The following DNAH8 variants were observed in gnomAD, a reference collection of about 807,000 sequenced individuals.
DNAH8 encodes axonemal beta dynein heavy chain 8.
A neutral mutation model predicts 562.1 loss-of-function variants in DNAH8; 382 were observed. The observed-to-expected ratio is 0.68, with a 90% CI of 0.63 to 0.74. The LOEUF (loss-of-function observed/expected upper bound fraction) is 0.74. Among genes scored for constraint, DNAH8 ranks in the 30% least tolerant of loss-of-function variants. The pLI is 0.00. For missense variants in DNAH8, 5,203 were observed against 5,620.4 expected (o/e 0.93, Z 2.37); for synonymous variants, 1,881 against 1,919.4 (o/e 0.98, Z 0.52).
intron 8 of DNAH8, among the ~76,000 whole-genome samples, chr6:38,748,755 A>AAATAAT (rs57398991): frequency 0.2 from 27,288 of 138,314 alleles, 3,116 homozygotes; most frequent in African/African-American, 0.31. Context: ...CTCCGTCTCA[A>AAATAAT]AATAATAATA....
intron 91 of DNAH8, among the ~76,000 whole-genome samples, chr6:39,025,017 G>T (rs1286019607): frequency 1.3e-5 from 2 of 152,156 alleles, no homozygotes; most frequent in Non-Finnish European, 2.9e-5. Context: ...CAAACCATTT[G>T]AATTTTTATT....
chr6:39,026,352 G>T (rs1007077083), intron 91 of DNAH8, among the ~76,000 whole-genome samples, 194 bp from the exon 92 acceptor site: 7 of 152,336 alleles, frequency 4.6e-5, no homozygotes, highest in Admixed American at 4.6e-4. Context: ...AGGCGAGAAA[G>T]ATTTAGCTCA....
chr6:39,000,271 G>A (rs1036428284), intron 88 of DNAH8, among the ~76,000 whole-genome samples: 1 of 152,220 alleles, frequency 6.6e-6, no homozygotes, highest in Non-Finnish European at 1.5e-5. Flanking sequence ...ATCAGGGTAT[G>A]TATACATTGC....
chr6:38,794,379 T>G (rs955513054), intron 21 of DNAH8, among the ~76,000 whole-genome samples: 1 of 152,200 alleles, frequency 6.6e-6, no homozygotes, highest in African/African-American at 2.4e-5. Flanking sequence ...GCTTTTTATT[T>G]TAGTTTCTAT....
chr6:38,912,930 C>T (rs994157208), intron 66 of DNAH8, among the ~76,000 whole-genome samples: 12 of 152,086 alleles, frequency 7.9e-5, no homozygotes, highest in African/African-American at 1.2e-4. Flanking sequence ...CTGCCTCAGC[C>T]TCCCAAGTAA....
At chr6:38,864,143 A>T in intron 45 of DNAH8, 83 bp downstream of exon 45, 2 of 1,221,020 alleles carry the variant, frequency 1.6e-6, no homozygotes, top group Non-Finnish European at 2.3e-6. Context: ...TAATGGGTAG[A>T]TGACCAACTA....
At position 38,752,284 on chromosome 6, in the gene DNAH8, C is replaced by T. The variant is rs190923115; in HGVS notation, c.1407+1695C>T. On this transcript the variant is annotated intron_variant, in intron 9 of 92. Coordinates refer to ENST00000327475, the MANE Select transcript of DNAH8 (RefSeq NM_001206927.2). The stretch of plus-strand genomic sequence containing the variant: ...GTTCAAGCAATTCTCCTGATTCAGC[C>T]TCCTGAGTAGCTGGGATTACAGGTG... 6.2e-3 allele frequency among the ~76,000 whole-genome samples: 943 copies of T among 151,392 alleles called. 11 individuals carry two copies. The highest frequency in any genetic ancestry group is 0.021 in the African/African-American group (864 of 40,728).
At chr6:38,867,985 A>G in intron 47 of DNAH8, 77 bp from the exon 48 acceptor site, 3 of 1,437,172 alleles carry the variant, frequency 2.1e-6, no homozygotes, top group Non-Finnish European at 2.8e-6. Context: ...GAATCGACCT[A>G]TATGCATAGA....
Position 38,915,201 on chromosome 6 carries a change from G to T in DNAH8, c.9964G>T (p.Val3322Leu). ...LAVASIKADE[V>L]LAEVTVSAQA... Reference sequence around the variant, plus strand: ...TTCATGTGTTTCCTCAACTTAACAGGTATTAGCAGAAGTCACAGTAAGCGC... The same window carrying T: ...TTCATGTGTTTCCTCAACTTAACAGTTATTAGCAGAAGTCACAGTAAGCGC... Residue 3322 changes from valine (V) to leucine (L), a missense_variant and splice_region_variant, in exon 68 of 93, where the codon GTA (valine) becomes TTA (leucine). Coordinates refer to ENST00000327475, the MANE Select transcript of DNAH8 (RefSeq NM_001206927.2). 6.3e-7 allele frequency: 1 copy of T among 1,596,538 alleles called. No individual in the cohort carries two copies. Among genetic ancestry groups the T allele is most frequent in the Non-Finnish European group, 8.5e-7 (1 of 1,174,276 alleles).
intron 82 of DNAH8, among the ~76,000 whole-genome samples, chr6:38,955,289 T>C (rs114263954): frequency 1.4e-3 from 207 of 152,264 alleles, no homozygotes; most frequent in African/African-American, 4.7e-3. Context: ...TCCTCTTTAT[T>C]TGCATTATTC....
chr6:38,888,375 GA>G (rs967493920), intron 57 of DNAH8, among the ~76,000 whole-genome samples: 9 of 151,064 alleles, frequency 6.0e-5, no homozygotes, highest in Admixed American at 1.3e-4. Flanking sequence ...CAAAAATAAA[GA>G]AAAAAAATAC....
At position 38,938,191 on chromosome 6, in the gene DNAH8, C is replaced by A. The variant is rs777675600; in HGVS notation, c.11781C>A (p.Ala3927=). 1.2e-4 allele frequency: 200 copies of A among 1,613,646 alleles called. 4 individuals are homozygous for A. In the South Asian group the frequency reaches 2.1e-3, roughly 17 times the overall value. ...ACATCATGTATCAGACGTCATTGGC[C>A]CAGTTCTTGAAGTTATTTGACCAGT... The part of the protein sequence containing the change: ...MVNIMYQTSL[A]QFLKLFDQSM... The change falls in exon 78 of 93, where the codon GCC becomes GCA. Residue 3927 remains alanine, a synonymous_variant. Transcript: ENST00000327475.
At chr6:38,955,953 G>A (rs903584433) in intron 82 of DNAH8, among the ~76,000 whole-genome samples, 1 of 152,232 alleles carries the variant, frequency 6.6e-6, no homozygotes, top group Non-Finnish European at 1.5e-5. Context: ...AAGGAGTTTG[G>A]CTATAGCCCT....
intron 42 of DNAH8, 65 bp from the exon 43 acceptor site, chr6:38,860,392 C>T: frequency 1.1e-6 from 1 of 937,014 alleles, no homozygotes; most frequent in Non-Finnish European, 1.4e-6. Context: ...AAAAACTGCC[C>T]ACATGCTTAT....
In DNAH8 at chr6:38,951,216, C is replaced by T. The variant is rs111693964; in HGVS notation, c.12249-102C>T. On this transcript the variant is annotated intron_variant, in intron 81 of 92. Transcript: ENST00000327475. Reference sequence around the variant, plus strand: ...TTAGATGTGGAAAAGTAGGAATTAACTTGTTGCCCTTTTGCTAATTAAATG... The same window carrying T: ...TTAGATGTGGAAAAGTAGGAATTAATTTGTTGCCCTTTTGCTAATTAAATG... 1.7e-4 allele frequency: 167 copies of T among 985,046 alleles called. No homozygotes were observed. In the African/African-American group the frequency reaches 2.3e-3, roughly 13 times the overall value. 61.0% of individuals were successfully genotyped at this position (985,046 alleles called of 1,614,324 possible). A position where few individuals can be genotyped will look rare whatever the true frequency, so the allele number is the denominator to read the frequency against.
At chr6:38,912,989 A>G (rs1781015615) in intron 66 of DNAH8, among the ~76,000 whole-genome samples, 1 of 152,150 alleles carries the variant, frequency 6.6e-6, no homozygotes, top group Non-Finnish European at 1.5e-5. Context: ...TTGTATTTTT[A>G]GTAGAGACAG....
chr6:38,924,769 T>C (rs1438790621), intron 73 of DNAH8: 3 of 152,346 alleles, frequency 2.0e-5, no homozygotes, highest in Non-Finnish European at 4.4e-5. Context: ...ATACTCTCTT[T>C]CAAACATTTT....
rs767930161 is a variant in DNAH8 at position 38,783,139 on chromosome 6, G to A, written c.2395G>A (p.Ala799Thr). The A allele has an allele frequency of 4.8e-5, 77 of 1,613,618 alleles. 1 individual carries two copies. The highest frequency in any genetic ancestry group is 6.1e-5 in the Non-Finnish European group (72 of 1,179,804). The change falls in exon 17 of 93, where the codon GCT becomes ACT. Residue 799 changes from alanine to threonine, a missense_variant and splice_region_variant. Ala to Thr is a moderately conservative substitution (Grantham distance 58). Coordinates refer to ENST00000327475, the MANE Select transcript of DNAH8 (RefSeq NM_001206927.2). ...WIREISQLHY[A>T]LQATLFVRHP... ...CAGAGAGATTTCACAGTTGCATTAC[G>A]GTGTGTATAACACTGCCATGAGCCT...
Position 39,029,777 on chromosome 6 carries a change from T to A in DNAH8, c.13837-328T>A, listed in dbSNP as rs181181564. On this transcript the variant is annotated intron_variant, in intron 92 of 92. Coordinates refer to ENST00000327475, the MANE Select transcript of DNAH8 (RefSeq NM_001206927.2). ...TTCCATGCTCCCACCTTCCACCAAC[T>A]CAAACCAGACCTCTCAGAGACTTTC... Among the ~76,000 whole-genome samples the A allele has an allele frequency of 3.4e-3, 520 of 152,304 alleles. 8 individuals are homozygous for A. The highest frequency in any genetic ancestry group is 0.012 in the African/African-American group (478 of 41,562).
Sources: allele counts gnomAD v4.1 joint callset (sites outside exome capture counted in the v4.1 genomes callset), GRCh38; gene constraint gnomAD v4.1.1; transcripts MANE v1.5; gene names NCBI Gene and HGNC (gene_info 2026-07-23, HGNC 2026-07-21).